Variants in TECPR2 observed in about 807,000 individuals in gnomAD.
TECPR2 encodes the protein tectonin beta-propeller repeat-containing protein 2.
In TECPR2, 65 loss-of-function variants were observed where a neutral mutation model predicts 138.1. That is an observed-to-expected ratio of 0.47 (90% CI 0.39 to 0.58). TECPR2 has a LOEUF of 0.58. TECPR2 is among the 20% of genes least tolerant of loss of function. The probability of loss-of-function intolerance (pLI) is 0.00; values close to 1 mark genes in which losing one functional copy is unlikely to be tolerated. For synonymous variants in TECPR2, 746 were observed against 749.8 expected (o/e 0.99, Z 0.08); for missense variants, 1,553 against 1,824.5 (o/e 0.85, Z 2.71).
At chr14:102,451,625 G>A (rs763954249) in intron 15 of TECPR2, among the ~76,000 whole-genome samples, 3 of 152,030 alleles carry the variant, frequency 2.0e-5, no homozygotes, top group Non-Finnish European at 4.4e-5. Context: ...TGGCCCCTCC[G>A]TGGTTGTTTT....
rs367639704 is a variant in TECPR2, at chr14:102,371,025, T to C, written c.-72-5625T>C. Among the ~76,000 whole-genome samples the C allele has an allele frequency of 3.2e-4, 48 of 152,374 alleles. 1 individual carries two copies. The highest frequency in any genetic ancestry group is 1.1e-3 in the African/African-American group (46 of 41,596). ...ATAGCTAGGATGTAAGTTTTACTAA[T>C]CCCATTTCAGATGGTAATTGGAGAT... On this transcript the variant is annotated intron_variant, in intron 1 of 19. Coordinates refer to ENST00000359520, the MANE Select transcript of TECPR2 (RefSeq NM_014844.5).
chr14:102,388,156 G>C (rs1425564933), intron 2 of TECPR2, among the ~76,000 whole-genome samples: 1 of 152,160 alleles, frequency 6.6e-6, no homozygotes, highest in Admixed American at 6.5e-5. Flanking sequence ...TAACTTTTAG[G>C]TCCAGTGATG....
intron 10 of TECPR2, 93 bp downstream of exon 10, chr14:102,438,298 C>T: frequency 7.0e-7 from 1 of 1,434,456 alleles, no homozygotes; most frequent in South Asian, 1.4e-5. Context: ...TACAGGGCTC[C>T]CCTGCAGCAG....
intron 3 of TECPR2, among the ~76,000 whole-genome samples, chr14:102,408,032 G>C (rs1210469825): frequency 1.3e-5 from 2 of 151,878 alleles, no homozygotes; most frequent in Admixed American, 1.3e-4. Context: ...AGCTGGGCGT[G>C]GTGGTGCGTG....
chr14:102,494,042 C>T (rs907612979), intron 17 of TECPR2, among the ~76,000 whole-genome samples: 1 of 152,164 alleles, frequency 6.6e-6, no homozygotes, highest in African/African-American at 2.4e-5. Flanking sequence ...TGGTGCCTCC[C>T]ATATCTGAAC....
intron 1 of TECPR2, among the ~76,000 whole-genome samples, chr14:102,369,938 G>A (rs566549565): frequency 6.6e-6 from 1 of 151,966 alleles, no homozygotes; most frequent in Non-Finnish European, 1.5e-5. Flanking sequence ...CTGGGCGACA[G>A]AGTGAGACTC....
At position 102,499,400 on chromosome 14, in the gene TECPR2, C is replaced by T. The variant is rs983696006; in HGVS notation, c.*1143C>T. The T allele has an allele frequency of 6.1e-5, 36 of 594,050 alleles. 1 individual carries two copies. The highest frequency in any genetic ancestry group is 9.9e-5 in the Non-Finnish European group (33 of 333,338). 36.8% of individuals were successfully genotyped at this position (594,050 alleles called of 1,614,324 possible). A position where few individuals can be genotyped will look rare whatever the true frequency, so the allele number is the denominator to read the frequency against. ...AAATTTAGAAGAGAGATATGTTTTCCGAAAACAGTGGAAGCCCTTTGTTCC... is the reference window on the plus strand; with the variant it reads ...AAATTTAGAAGAGAGATATGTTTTCTGAAAACAGTGGAAGCCCTTTGTTCC... On this transcript the variant is annotated 3_prime_UTR_variant, in exon 20 of 20. Transcript: ENST00000359520.
chr14:102,423,082 G>C (rs1285322326), intron 5 of TECPR2, among the ~76,000 whole-genome samples: 4 of 152,160 alleles, frequency 2.6e-5, no homozygotes, highest in African/African-American at 9.7e-5. Flanking sequence ...AGGGGCAATA[G>C]GCTAGACTAA....
intron 2 of TECPR2, among the ~76,000 whole-genome samples, chr14:102,403,932 C>G (rs1193803449): frequency 3.9e-5 from 6 of 152,152 alleles, no homozygotes; most frequent in Admixed American, 3.9e-4. Flanking sequence ...GGGTCTTGCT[C>G]TGTCACCTAG....
intron 1 of TECPR2, among the ~76,000 whole-genome samples, chr14:102,367,332 T>C (rs969665016): frequency 1.3e-5 from 2 of 152,166 alleles, no homozygotes; most frequent in Non-Finnish European, 2.9e-5. Context: ...TATTCACAGC[T>C]ATGCAACCGT....
chr14:102,417,085 A>C (rs1889044441), intron 5 of TECPR2, among the ~76,000 whole-genome samples: 1 of 152,230 alleles, frequency 6.6e-6, no homozygotes, highest in South Asian at 2.1e-4. Flanking sequence ...GCGTCTGTGC[A>C]GTCAAGTCTT....
chr14:102,384,416 G>A (rs1334076003), intron 2 of TECPR2, among the ~76,000 whole-genome samples: 2 of 151,274 alleles, frequency 1.3e-5, no homozygotes, highest in Admixed American at 6.6e-5. Context: ...TGGTGGCTCA[G>A]GCCTGTAATC....
chr14:102,402,551 G>C (rs142100562), intron 2 of TECPR2, among the ~76,000 whole-genome samples: 187 of 152,114 alleles, frequency 1.2e-3, no homozygotes, highest in South Asian at 4.8e-3. Flanking sequence ...GATTAGAACA[G>C]AGGTAAAGGA....
chr14:102,472,640 A>C (rs1283051694), intron 17 of TECPR2, among the ~76,000 whole-genome samples: 2 of 152,236 alleles, frequency 1.3e-5, no homozygotes, highest in Non-Finnish European at 1.5e-5. Context: ...GTGGGAAAGA[A>C]ATCAGGCTTC....
chr14:102,481,640 T>C (rs954531914), intron 17 of TECPR2, among the ~76,000 whole-genome samples: 1 of 152,164 alleles, frequency 6.6e-6, no homozygotes, highest in African/African-American at 2.4e-5. Context: ...TGAAAATCAG[T>C]AGGTTGACAT....
chr14:102,497,572 T>C lies in TECPR2; in HGVS notation c.3934T>C (p.Leu1312=). Reference sequence around the variant, plus strand: ...GGAGGGACCCTGTCTGCCCACAGGGTTGCAGGCCTGCCAGCTGGCGCTGAG... The same window carrying C: ...GGAGGGACCCTGTCTGCCCACAGGGCTGCAGGCCTGCCAGCTGGCGCTGAG... ...VGTAWEHVPG[L]QACQLALSTR... The change falls in exon 19 of 20, where the codon TTG becomes CTG. Residue 1312 remains leucine (L), a splice_region_variant and synonymous_variant. Coordinates refer to ENST00000359520, the MANE Select transcript of TECPR2 (RefSeq NM_014844.5). 6.3e-7 allele frequency: 1 copy of C among 1,594,776 alleles called. No homozygotes were observed. Among genetic ancestry groups the C allele is most frequent in the East Asian group, 2.3e-5 (1 of 43,900 alleles).
chr14:102,411,458 G>C (rs1888859096), intron 4 of TECPR2, among the ~76,000 whole-genome samples: 1 of 152,172 alleles, frequency 6.6e-6, no homozygotes, highest in South Asian at 2.1e-4. Flanking sequence ...GCCTGTCCTT[G>C]CTTTAAGTGA....
chr14:102,364,513 G>A (rs1243958345), intron 1 of TECPR2, among the ~76,000 whole-genome samples: 5 of 152,120 alleles, frequency 3.3e-5, no homozygotes, highest in African/African-American at 1.2e-4. Flanking sequence ...ACTAAGTGCA[G>A]GTGTAGGGGA....
Position 102,442,029 on chromosome 14 carries a change from A to C in TECPR2, c.2752+1420A>C, listed in dbSNP as rs147558620. On this transcript the variant is annotated intron_variant, in intron 11 of 19. Transcript: ENST00000359520. ...AATCTCGCTCTGTTGCCCAGGCTGGAGTGTAGTGGCACAATCTCGGCTCAC... is the reference window on the plus strand; with the variant it reads ...AATCTCGCTCTGTTGCCCAGGCTGGCGTGTAGTGGCACAATCTCGGCTCAC... Among the ~76,000 whole-genome samples the C allele has an allele frequency of 9.0e-3, 1,374 of 152,166 alleles. 21 individuals are homozygous for C. The highest frequency in any genetic ancestry group is 0.031 in the African/African-American group (1,279 of 41,494).
Sources: gnomAD v4.1 joint callset for allele counts (sites outside exome capture counted in the v4.1 genomes callset) on GRCh38, gnomAD v4.1.1 for gene constraint, MANE v1.5 for transcripts, NCBI Gene and HGNC (gene_info 2026-07-23, HGNC 2026-07-21) for gene names.